Variants in MBNL2 observed in about 807,000 individuals in gnomAD.
MBNL2 encodes muscleblind like splicing regulator 2.
Under a neutral mutation model 41.9 loss-of-function variants are expected in MBNL2, and 17 were observed. The ratio of observed to expected loss-of-function variants is 0.41; its 90% CI spans 0.28 to 0.61. The LOEUF is 0.61. Among genes scored for constraint, MBNL2 ranks in the 20% least tolerant of loss-of-function variants. The pLI, the probability that MBNL2 is intolerant of heterozygous loss-of-function variation, is 0.35. For missense variants in MBNL2, 336 were observed against 505.6 expected (o/e 0.66, Z 3.22); for synonymous variants, 195 against 182.9 (o/e 1.07, Z -0.53).
intron 8 of MBNL2, among the ~76,000 whole-genome samples, chr13:97,383,022 A>G (rs2065614134): frequency 6.6e-6 from 1 of 152,200 alleles, no homozygotes; most frequent in African/African-American, 2.4e-5. Context: ...GCCAGCGGAA[A>G]GGGCCAGGAA....
the MBNL2 span, among the ~76,000 whole-genome samples, chr13:97,211,274 T>C: frequency 5.3e-5 from 8 of 152,140 alleles, no homozygotes; most frequent in African/African-American, 9.7e-5. Flanking sequence ...CTTTGCGAAA[T>C]AAAATCATTC....
chr13:97,380,743 A>C (rs2065374046), intron 8 of MBNL2, among the ~76,000 whole-genome samples: 1 of 152,160 alleles, frequency 6.6e-6, no homozygotes, highest in Non-Finnish European at 1.5e-5. Context: ...GGGGATGGTT[A>C]GTAATAAAGA....
chr13:97,387,319 C>T (rs962286478), intron 8 of MBNL2, among the ~76,000 whole-genome samples: 9 of 152,158 alleles, frequency 5.9e-5, no homozygotes, highest in Non-Finnish European at 1.0e-4. Context: ...TATAAGCAGA[C>T]ACGTTTGCAA....
At chr13:97,343,564 C>T (rs530264986) in intron 4 of MBNL2, among the ~76,000 whole-genome samples, 1 of 152,262 alleles carries the variant, frequency 6.6e-6, no homozygotes, top group East Asian at 1.9e-4. Context: ...AGGTGTAATC[C>T]TTGCAAGACC....
chr13:97,184,747 A>G, the MBNL2 span, among the ~76,000 whole-genome samples: 1 of 152,076 alleles, frequency 6.6e-6, no homozygotes, highest in Non-Finnish European at 1.5e-5. Flanking sequence ...GCACTTTGGG[A>G]GGCTGAGGCG....
chr13:97,218,364 C>G (rs546615914), upstream of MBNL2, among the ~76,000 whole-genome samples: 22 of 149,704 alleles, frequency 1.5e-4, no homozygotes, highest in Non-Finnish European at 3.0e-4. Flanking sequence ...GAGCCAAGAT[C>G]GCGCCACTAC....
chr13:97,351,906 C>T (rs2062506996), intron 5 of MBNL2, among the ~76,000 whole-genome samples: 1 of 152,050 alleles, frequency 6.6e-6, no homozygotes, highest in Admixed American at 6.6e-5. Flanking sequence ...CGCTATAATT[C>T]CAGCTACTCG....
chr13:97,272,720 A>C (rs373564750), intron 1 of MBNL2, among the ~76,000 whole-genome samples: 5 of 152,206 alleles, frequency 3.3e-5, no homozygotes, highest in African/African-American at 1.2e-4. Context: ...TCTCACAACT[A>C]AAAAATGCTA....
intron 2 of MBNL2, among the ~76,000 whole-genome samples, chr13:97,313,138 G>C (rs530426857): frequency 6.6e-6 from 1 of 152,166 alleles, no homozygotes; most frequent in Non-Finnish European, 1.5e-5. Context: ...TAGACCTCAG[G>C]ACCATGAATT....
intron 2 of MBNL2, among the ~76,000 whole-genome samples, chr13:97,303,703 T>C (rs1022738823): frequency 6.6e-6 from 1 of 152,206 alleles, no homozygotes; most frequent in African/African-American, 2.4e-5. Flanking sequence ...GTCTGACGGG[T>C]TATTGTTTTC....
chr13:97,177,333 T>A, the MBNL2 span, among the ~76,000 whole-genome samples: 4 of 152,112 alleles, frequency 2.6e-5, no homozygotes, highest in Admixed American at 1.3e-4. Context: ...AATGAGAGAC[T>A]CTGTCTCCAA....
intron 7 of MBNL2, among the ~76,000 whole-genome samples, chr13:97,362,513 A>C (rs2063493225): frequency 6.6e-6 from 1 of 152,204 alleles, no homozygotes; most frequent in Admixed American, 6.5e-5. Context: ...AAGTTCAAAA[A>C]TAGGGCAAAT....
intron 5 of MBNL2, among the ~76,000 whole-genome samples, chr13:97,353,404 C>T (rs1566436325): frequency 6.6e-6 from 1 of 152,194 alleles, no homozygotes; most frequent in African/African-American, 2.4e-5. Context: ...AAAACTATTA[C>T]TTTATTTCCT....
the MBNL2 span, among the ~76,000 whole-genome samples, chr13:97,162,687 G>C: frequency 2.0e-5 from 3 of 152,310 alleles, no homozygotes; most frequent in East Asian, 1.9e-4. Flanking sequence ...ACATTGTGCA[G>C]CTCAGCCTCT....
At chr13:97,146,170 T>G in the MBNL2 span, among the ~76,000 whole-genome samples, 1 of 151,624 alleles carries the variant, frequency 6.6e-6, no homozygotes, top group Admixed American at 6.6e-5. Context: ...TTTTTTTTTT[T>G]TTTTAATATT....
At chr13:97,351,849 C>A (rs369808534) in intron 5 of MBNL2, among the ~76,000 whole-genome samples, 1 of 151,970 alleles carries the variant, frequency 6.6e-6, no homozygotes, top group African/African-American at 2.4e-5. Context: ...CATGGTGAAA[C>A]CCCGTCTCTA....
At chr13:97,218,550 G>A (rs550263345), upstream of MBNL2, among the ~76,000 whole-genome samples, 8 of 151,770 alleles carry the variant, frequency 5.3e-5, no homozygotes, top group Non-Finnish European at 1.0e-4. Flanking sequence ...AAATTCGAAG[G>A]TACTGTTTTG....
chr13:97,204,496 A>G, the MBNL2 span, among the ~76,000 whole-genome samples: 1 of 152,184 alleles, frequency 6.6e-6, no homozygotes, highest in Admixed American at 6.5e-5. Context: ...AGTATTACCT[A>G]TATCAGGAAC....
intron 2 of MBNL2, among the ~76,000 whole-genome samples, chr13:97,308,314 T>C (rs1055012363): frequency 2.0e-5 from 3 of 152,212 alleles, no homozygotes; most frequent in Non-Finnish European, 4.4e-5. Flanking sequence ...TCCTACCAGC[T>C]GTCATGTAAG....
Sources: allele counts gnomAD v4.1 joint callset (sites outside exome capture counted in the v4.1 genomes callset), GRCh38; gene constraint gnomAD v4.1.1; transcripts MANE v1.5; gene names NCBI Gene and HGNC (gene_info 2026-07-23, HGNC 2026-07-21).